The following PNPLA8 variants were observed in gnomAD, a reference collection of about 807,000 sequenced individuals.
The protein encoded by PNPLA8 is patatin like domain 8, phospholipase A2, also known as calcium-independent phospholipase A2-gamma.
Under a neutral mutation model 76.9 loss-of-function variants are expected in PNPLA8, and 39 were observed. The ratio of observed to expected loss-of-function variants is 0.51; its 90% CI spans 0.39 to 0.66. The LOEUF (loss-of-function observed/expected upper bound fraction) is 0.66, where lower values mean the gene tolerates loss of function less well. PNPLA8 is among the 30% of genes least tolerant of loss of function. PNPLA8 has a pLI of 0.00. For missense variants in PNPLA8, 887 were observed against 918.0 expected, an observed-to-expected ratio of 0.97 and a Z score of 0.44; for synonymous variants, 301 against 307.9, an observed-to-expected ratio of 0.98 and a Z score of 0.24.
intron 7 of PNPLA8, 72 bp from the exon 8 acceptor site, chr7:108,491,539 A>T (rs1340323648): frequency 1.1e-6 from 1 of 925,856 alleles, no homozygotes; most frequent in East Asian, 2.4e-5. Flanking sequence ...AACATACAGT[A>T]TGCAATTACT....
rs531289692 is a variant in PNPLA8, at chr7:108,471,010, T to C, written c.*1391A>G. 1 of 152,316 alleles carries C rather than the reference T, an allele frequency of 6.6e-6. No homozygotes were observed. The highest frequency in any genetic ancestry group is 2.1e-4 in the South Asian group (1 of 4,826). The allele number at this position is 152,316 out of a possible 1,614,324, so 9.4% of individuals were successfully genotyped here. The stretch of plus-strand genomic sequence containing the variant: ...CAACAGGGTCTAGCTTTAGTTTGTA[T>C]GTCTAAAACAAGGGGCGCTAACCTT... On this transcript the variant is annotated 3_prime_UTR_variant, in exon 11 of 11. Coordinates refer to ENST00000257694, the MANE Select transcript of PNPLA8 (RefSeq NM_001256007.3).
intron 4 of PNPLA8, among the ~76,000 whole-genome samples, chr7:108,505,145 G>C (rs1054589551): frequency 6.7e-6 from 1 of 150,042 alleles, no homozygotes; most frequent in Non-Finnish European, 1.5e-5. Flanking sequence ...TATGATAAAG[G>C]TCTTTTCAAT....
intron 9 of PNPLA8, among the ~76,000 whole-genome samples, chr7:108,481,722 A>T (rs759191448): frequency 1.3e-5 from 2 of 152,160 alleles, no homozygotes; most frequent in African/African-American, 2.4e-5. Flanking sequence ...TTCATGTATG[A>T]TGATTTCAGT....
At chr7:108,485,406 C>T (rs1272674444) in intron 9 of PNPLA8, among the ~76,000 whole-genome samples, 2 of 152,118 alleles carry the variant, frequency 1.3e-5, no homozygotes, top group East Asian at 3.8e-4. Flanking sequence ...TTCACCTACA[C>T]ATAACTCTTA....
intron 2 of PNPLA8, among the ~76,000 whole-genome samples, chr7:108,517,577 T>C (rs1005851394): frequency 5.3e-5 from 8 of 152,010 alleles, no homozygotes; most frequent in Non-Finnish European, 1.0e-4. Context: ...AGACAGACAA[T>C]GGAAAATTGT....
intron 10 of PNPLA8, among the ~76,000 whole-genome samples, chr7:108,473,684 A>G (rs1239930064): frequency 6.6e-6 from 1 of 152,168 alleles, no homozygotes; most frequent in Non-Finnish European, 1.5e-5. Context: ...TCATTTGTAT[A>G]TCTTCTTTAA....
At chr7:108,508,855 C>A (rs1251396491) in intron 4 of PNPLA8, among the ~76,000 whole-genome samples, 1 of 142,476 alleles carries the variant, frequency 7.0e-6, no homozygotes, top group South Asian at 2.3e-4. Flanking sequence ...AGAACAGAGC[C>A]CTCAGAAATA....
At chr7:108,490,619 TA>T (rs1309250839) in intron 8 of PNPLA8, among the ~76,000 whole-genome samples, 28 of 151,888 alleles carry the variant, frequency 1.8e-4, no homozygotes, top group Middle Eastern at 3.4e-3. Flanking sequence ...CTGTCTCTAC[TA>T]AAAAATACAA....
chr7:108,488,253 C>A (rs1177710460), intron 8 of PNPLA8, among the ~76,000 whole-genome samples: 3 of 152,096 alleles, frequency 2.0e-5, no homozygotes, highest in Non-Finnish European at 4.4e-5. Flanking sequence ...TAGACCTTTA[C>A]ATAATAATTG....
intron 7 of PNPLA8, among the ~76,000 whole-genome samples, chr7:108,496,159 T>C (rs1404981179): frequency 2.0e-5 from 3 of 152,064 alleles, no homozygotes; most frequent in African/African-American, 7.2e-5. Flanking sequence ...CACTTGAGCC[T>C]GGGAAGTTGA....
chr7:108,526,581 A>G (rs1864104495), upstream of PNPLA8, among the ~76,000 whole-genome samples: 1 of 152,118 alleles, frequency 6.6e-6, no homozygotes, highest in South Asian at 2.1e-4. Flanking sequence ...AGTTCCTTGG[A>G]GCTGGGGGCT....
At chr7:108,474,487 C>T (rs1859843112) in intron 10 of PNPLA8, among the ~76,000 whole-genome samples, 1 of 152,120 alleles carries the variant, frequency 6.6e-6, no homozygotes, top group South Asian at 2.1e-4. Context: ...TTTGAGAAAG[C>T]TATAGAAAGC....
intron 4 of PNPLA8, among the ~76,000 whole-genome samples, chr7:108,509,450 A>G (rs1419197772): frequency 1.3e-5 from 2 of 150,104 alleles, no homozygotes; most frequent in Admixed American, 6.6e-5. Context: ...TGGCCATCAG[A>G]GAAATGCAAA....
At chr7:108,515,746 A>G (rs1483586694) in intron 2 of PNPLA8, among the ~76,000 whole-genome samples, 172 bp from the exon 3 acceptor site, 1 of 152,232 alleles carries the variant, frequency 6.6e-6, no homozygotes, top group African/African-American at 2.4e-5. Flanking sequence ...AAAATAATTC[A>G]CTTTCAGTAT....
intron 4 of PNPLA8, among the ~76,000 whole-genome samples, chr7:108,509,983 C>T (rs1377428331): frequency 3.0e-5 from 4 of 134,502 alleles, no homozygotes; most frequent in Non-Finnish European, 6.2e-5. Context: ...ACAATGAGAA[C>T]ACACGGACAC....
intron 2 of PNPLA8, among the ~76,000 whole-genome samples, chr7:108,518,752 T>C (rs375865903): frequency 0.45 from 56,704 of 125,626 alleles, 12,185 homozygotes; most frequent in African/African-American, 0.57. Flanking sequence ...TATATATATA[T>C]ATATATACAC....
In PNPLA8 at chr7:108,476,897, G is replaced by A. The variant is rs182941548; in HGVS notation, c.2074+2287C>T. On this transcript the variant is annotated intron_variant, in intron 10 of 10. Transcript: ENST00000257694. ...AACTAAGCCAGACACAGGAAAATGA[G>A]TAGTGCACAGTAACATTTACATGTG... is the stretch of plus-strand genomic sequence containing the variant. Among the ~76,000 whole-genome samples, 8 of 152,196 alleles carry A rather than the reference G, an allele frequency of 5.3e-5. No individual in the cohort carries two copies. In the East Asian group the frequency reaches 1.5e-3, roughly 29 times the overall value.
intron 9 of PNPLA8, among the ~76,000 whole-genome samples, chr7:108,484,698 C>T (rs1860620855): frequency 6.6e-6 from 1 of 152,146 alleles, no homozygotes; most frequent in African/African-American, 2.4e-5. Context: ...AATAAATCAC[C>T]TCTATAGTAC....
In PNPLA8 at chr7:108,514,975, C is replaced by A. The variant is rs1462456361; in HGVS notation, c.517G>T (p.Glu173Ter). 1 of 1,608,886 alleles carries A rather than the reference C, an allele frequency of 6.2e-7. No individual in the cohort carries two copies. Among genetic ancestry groups the A allele is most frequent in the Admixed American group, 1.7e-5 (1 of 59,808 alleles). ...KSAEKSPFPE[E>*]KSHIIDKEED... is the part of the protein sequence containing the mutation. The stretch of plus-strand genomic sequence containing the variant: ...TCTTTGTCTATAATGTGACTTTTCT[C>A]TTCTGGAAAAGGACTCTTTTCTGCT... Residue 173 changes from glutamate to a stop codon, truncating the protein, a stop_gained, in exon 3 of 11, where the codon GAG becomes TAG. Coordinates refer to ENST00000257694, the MANE Select transcript of PNPLA8 (RefSeq NM_001256007.3). LOFTEE classifies it high-confidence loss of function.
Sources: gnomAD v4.1 joint callset for allele counts (sites outside exome capture counted in the v4.1 genomes callset) on GRCh38, gnomAD v4.1.1 for gene constraint, MANE v1.5 for transcripts, NCBI Gene and HGNC (gene_info 2026-07-23, HGNC 2026-07-21) for gene names.